UGT1A6: variants seen among roughly 807,000 people sequenced by gnomAD.
UGT1A6 encodes the protein UDP glucuronosyltransferase family 1 member A6.
In UGT1A6, 32 loss-of-function variants were observed where a neutral mutation model predicts 44.4. The ratio of observed to expected loss-of-function variants is 0.72; its 90% CI spans 0.54 to 0.97. UGT1A6 has a LOEUF of 0.97. Among genes scored for constraint, UGT1A6 ranks in the 50% least tolerant of loss-of-function variants. The pLI is 0.00. For synonymous variants in UGT1A6, 238 were observed against 248.5 expected, an observed-to-expected ratio of 0.96 and a Z score of 0.40; for missense variants, 685 against 661.9, an observed-to-expected ratio of 1.03 and a Z score of -0.38.
In UGT1A6 at chr2:233,756,536, G is replaced by A. The variant is rs1381058944; in HGVS notation, c.862-10498G>A. Reference sequence around the variant, plus strand: ...AATGTGCATGTTATTCACTTTTCTTGACTGCTAAAACAACCAGGGAGATCC... The same window carrying A: ...AATGTGCATGTTATTCACTTTTCTTAACTGCTAAAACAACCAGGGAGATCC... On this transcript the variant is annotated intron_variant, in intron 1 of 4. Coordinates refer to ENST00000305139, the MANE Select transcript of UGT1A6 (RefSeq NM_001072.4). 2.0e-5 allele frequency among the ~76,000 whole-genome samples: 3 copies of A among 151,924 alleles called. No individual in the cohort carries two copies. The East Asian group carries it at 5.8e-4, about 29-fold the overall frequency.
chr2:233,709,352 A>G (rs1366847300), intron 1 of UGT1A6, among the ~76,000 whole-genome samples: 2 of 152,340 alleles, frequency 1.3e-5, no homozygotes, highest in East Asian at 1.9e-4. Flanking sequence ...ACCTATTACT[A>G]TATAGATTTT....
rs199688431 is a variant in UGT1A6 at position 233,719,254 on chromosome 2, C to G, written c.861+25389C>G. On this transcript the variant is annotated intron_variant, in intron 1 of 4. Transcript: ENST00000305139. Reference sequence around the variant, plus strand: ...CTGATCAGGCACCTGAATGCTACTTCCTTTGATGTGGTTTTAACAGACCCC... The same window carrying G: ...CTGATCAGGCACCTGAATGCTACTTGCTTTGATGTGGTTTTAACAGACCCC... The G allele has an allele frequency of 3.7e-6, 6 of 1,614,048 alleles. No individual in the cohort carries two copies. In the Admixed American group the frequency reaches 1.0e-4, roughly 27 times the overall value.
Position 233,769,697 on chromosome 2 carries a change from A to G in UGT1A6, c.1301+1258A>G. 6.5e-7 allele frequency: 1 copy of G among 1,535,580 alleles called. No individual in the cohort carries two copies. Among genetic ancestry groups the G allele is most frequent in the South Asian group, 1.2e-5 (1 of 80,726 alleles). On this transcript the variant is annotated intron_variant, in intron 4 of 4. Coordinates refer to ENST00000305139, the MANE Select transcript of UGT1A6 (RefSeq NM_001072.4). This position sits in a 1 kb window ranked among gnomAD's most constrained non-coding sequence, Gnocchi z 4.4. ...TGTGTGTGTGGTGGCACTGGATAAAAGATCAATGTTGGCTAGGCACCATGG... is the reference window on the plus strand; with the variant it reads ...TGTGTGTGTGGTGGCACTGGATAAAGGATCAATGTTGGCTAGGCACCATGG...
chr2:233,732,874 G>A (rs1220552637), intron 1 of UGT1A6, among the ~76,000 whole-genome samples: 1 of 151,670 alleles, frequency 6.6e-6, no homozygotes, highest in Non-Finnish European at 1.5e-5. Context: ...GATGGGTTTG[G>A]CATTGAATCT....
chr2:233,719,574 G>A (rs2076782937), intron 1 of UGT1A6: 1 of 1,613,926 alleles, frequency 6.2e-7, no homozygotes, highest in Non-Finnish European at 8.5e-7. Context: ...TGTCAGCTAT[G>A]CATCCGTGTG....
rs958350621 is a variant in UGT1A6 at position 233,758,917 on chromosome 2, C to G, written c.862-8117C>G. ...ACAAATTTGAGTTGTTTTTGCTCAT[C>G]TTTCCCTTTTGACTTCAAATCAGTC... On this transcript the variant is annotated intron_variant, in intron 1 of 4. Coordinates refer to ENST00000305139, the MANE Select transcript of UGT1A6 (RefSeq NM_001072.4). Among the ~76,000 whole-genome samples the G allele has an allele frequency of 5.9e-5, 9 of 152,224 alleles. 1 individual carries two copies. Among genetic ancestry groups the G allele is most frequent in the Admixed American group, 3.3e-4 (5 of 15,286 alleles).
In UGT1A6 at chr2:233,768,390, A is replaced by G. The variant is rs774573761; in HGVS notation, c.1252A>G (p.Thr418Ala). ...AGVTLNVLEM[T>A]SEDLENALKA... Reference sequence around the variant, plus strand: ...AGTGACCCTGAATGTTCTGGAAATGACTTCTGAAGATTTAGAAAATGCTCT... The same window carrying G: ...AGTGACCCTGAATGTTCTGGAAATGGCTTCTGAAGATTTAGAAAATGCTCT... The change falls in exon 4 of 5, where the codon ACT becomes GCT. Residue 418 changes from threonine (T) to alanine (A), a missense_variant. Thr to Ala is a moderately conservative substitution (Grantham distance 58, BLOSUM62 0). Coordinates refer to ENST00000305139, the MANE Select transcript of UGT1A6 (RefSeq NM_001072.4). The G allele has an allele frequency of 6.2e-7, 1 of 1,614,202 alleles. No homozygotes were observed. Among genetic ancestry groups the G allele is most frequent in the South Asian group, 1.1e-5 (1 of 91,080 alleles).
chr2:233,719,934 T>C (rs747645753), intron 1 of UGT1A6, among the ~76,000 whole-genome samples: 3 of 152,106 alleles, frequency 2.0e-5, no homozygotes, highest in African/African-American at 7.2e-5. Context: ...CGGACAGTGT[T>C]TGTAAAGGCA....
rs1197217619 is a variant in UGT1A6, at chr2:233,750,175, GA to G, written c.862-16858del. 5.9e-5 allele frequency among the ~76,000 whole-genome samples: 9 copies of G among 151,894 alleles called. 1 individual carries two copies. The highest frequency in any genetic ancestry group is 2.2e-4 in the African/African-American group (9 of 41,136). Reference sequence around the variant, plus strand: ...GTTGAATGGTTTTGACCAAAATGCTGATAATGTTGTGGACAATGAAGTCCAG... The same window carrying G: ...GTTGAATGGTTTTGACCAAAATGCTGTAATGTTGTGGACAATGAAGTCCAG... On this transcript the variant is annotated intron_variant, in intron 1 of 4. Coordinates refer to ENST00000305139, the MANE Select transcript of UGT1A6 (RefSeq NM_001072.4).
At chr2:233,718,632 C>T in intron 1 of UGT1A6, 1 of 1,448,466 alleles carries the variant, frequency 6.9e-7, no homozygotes, top group Non-Finnish European at 9.3e-7. Flanking sequence ...TGGTCTTTCC[C>T]AGGGTTGGGC....
intron 4 of UGT1A6, 101 bp from the exon 5 acceptor site, chr2:233,772,161 T>C: frequency 6.4e-7 from 1 of 1,566,196 alleles, no homozygotes; most frequent in Non-Finnish European, 8.7e-7. Context: ...CTTTCCCAAG[T>C]TTGGAAAATC....
rs45586035 is a variant in UGT1A6, at chr2:233,729,636, G to GT, written c.861+35779dup. 7.6e-4 allele frequency: 1,222 copies of GT among 1,613,576 alleles called. 6 individuals are homozygous for GT. The African/African-American group carries it at 1.0e-2, about 13-fold the overall frequency. On this transcript the variant is annotated intron_variant, in intron 1 of 4. Coordinates refer to ENST00000305139, the MANE Select transcript of UGT1A6 (RefSeq NM_001072.4). ...CTAAGTACCTGTCGATTCCTACTGT[G>GT]TTTTTTTTGAGGAACATTCCATGTG...
In UGT1A6 at chr2:233,769,767, A is replaced by G. The variant is rs1575845901; in HGVS notation, c.1301+1328A>G. 7.3e-7 allele frequency: 1 copy of G among 1,374,516 alleles called. No individual in the cohort carries two copies. The highest frequency in any genetic ancestry group is 9.5e-7 in the Non-Finnish European group (1 of 1,054,324). 85.1% of individuals were successfully genotyped at this position (1,374,516 alleles called of 1,614,324 possible). On this transcript the variant is annotated intron_variant, in intron 4 of 4. Coordinates refer to ENST00000305139, the MANE Select transcript of UGT1A6 (RefSeq NM_001072.4). The surrounding 1 kb of genome is among the most constrained non-coding windows in gnomAD (Gnocchi z 4.4). ...CCACTCTGGAGGCTAAGGCGGGAGG[A>G]TTGCTTGAGCCCAGAAGTTGGAGGC...
chr2:233,743,773 C>T (rs367921172), intron 1 of UGT1A6: 3 of 1,367,248 alleles, frequency 2.2e-6, no homozygotes, highest in Non-Finnish European at 2.0e-6. Flanking sequence ...CCTCGGCCAC[C>T]TGCTTGAATC....
intron 1 of UGT1A6, among the ~76,000 whole-genome samples, chr2:233,749,338 G>A (rs996223048): frequency 2.0e-5 from 3 of 151,868 alleles, no homozygotes; most frequent in Admixed American, 6.5e-5. Flanking sequence ...GTTGAAAAGT[G>A]GGATGGAATT....
At position 233,701,169 on chromosome 2, in the gene UGT1A6, G is replaced by A. The variant is rs28899173; in HGVS notation, c.861+7304G>A. 9.8e-3 allele frequency among the ~76,000 whole-genome samples: 1,493 copies of A among 152,126 alleles called. 33 individuals are homozygous for A. Among genetic ancestry groups the A allele is most frequent in the African/African-American group, 0.033 (1,365 of 41,476 alleles). On this transcript the variant is annotated intron_variant, in intron 1 of 4. Coordinates refer to ENST00000305139, the MANE Select transcript of UGT1A6 (RefSeq NM_001072.4). ...AGTCTTTGCTATTGTGAATAGTGCC[G>A]TTATAAACATACATGTGCATGTGTC... is the stretch of plus-strand genomic sequence containing the variant.
At chr2:233,745,642 G>A (rs1693169772) in intron 1 of UGT1A6, among the ~76,000 whole-genome samples, 2 of 151,344 alleles carry the variant, frequency 1.3e-5, no homozygotes, top group Admixed American at 1.3e-4. Context: ...GCTGGCCGAG[G>A]GTAGAGTTCA....
At chr2:233,743,547 C>T (rs201114978) in intron 1 of UGT1A6, 3 of 1,367,292 alleles carry the variant, frequency 2.2e-6, no homozygotes, top group Non-Finnish European at 9.8e-7. Context: ...TCTGACCCCC[C>T]CAAAATATTC....
In UGT1A6 at chr2:233,739,366, G is replaced by T. The variant is rs191477827; in HGVS notation, c.862-27668G>T. 3.4e-3 allele frequency among the ~76,000 whole-genome samples: 523 copies of T among 152,270 alleles called. 13 individuals carry two copies. Among genetic ancestry groups the T allele is most frequent in the East Asian group, 3.5e-3 (18 of 5,178 alleles). On this transcript the variant is annotated intron_variant, in intron 1 of 4. Transcript: ENST00000305139. Reference sequence around the variant, plus strand: ...CCCAGAAGGGCAGATCCAATAGCTTGCACTGTGTGCCTGGAAGAGCCACAG... The same window carrying T: ...CCCAGAAGGGCAGATCCAATAGCTTTCACTGTGTGCCTGGAAGAGCCACAG...
Sources: allele counts gnomAD v4.1 joint callset (sites outside exome capture counted in the v4.1 genomes callset), GRCh38; gene constraint gnomAD v4.1.1; non-coding constraint Gnocchi (gnomAD v3.1); transcripts MANE v1.5; gene names NCBI Gene and HGNC (gene_info 2026-07-23, HGNC 2026-07-21).